Variants in RIMS1 observed in about 807,000 individuals in gnomAD.
RIMS1 encodes regulating synaptic membrane exocytosis 1, also known as regulating synaptic membrane exocytosis protein 1.
A neutral mutation model predicts 214.1 loss-of-function variants in RIMS1; 83 were observed. The ratio of observed to expected loss-of-function variants is 0.39; its 90% confidence interval spans 0.32 to 0.47. The LOEUF (loss-of-function observed/expected upper bound fraction) is 0.47, where lower values mean the gene tolerates loss of function less well. RIMS1 is among the 20% of genes least tolerant of loss of function. The pLI, the probability that RIMS1 is intolerant of heterozygous loss-of-function variation, is 0.99. For synonymous variants in RIMS1, 793 were observed against 786.8 expected (o/e 1.01, Z -0.13); for missense variants, 2,050 against 2,161.8 (o/e 0.95, Z 1.03).
intron 2 of RIMS1, among the ~76,000 whole-genome samples, chr6:71,980,711 A>G (rs1305957799): frequency 6.6e-6 from 1 of 152,140 alleles, no homozygotes; most frequent in Non-Finnish European, 1.5e-5. Flanking sequence ...GGGACCAATT[A>G]GTAGATGATT....
At chr6:71,906,669 A>C (rs141049947) in intron 1 of RIMS1, among the ~76,000 whole-genome samples, 1 of 152,224 alleles carries the variant, frequency 6.6e-6, no homozygotes, top group Non-Finnish European at 1.5e-5. Context: ...TGGATTTCTA[A>C]ATCAATGAGG....
intron 16 of RIMS1, among the ~76,000 whole-genome samples, chr6:72,254,142 G>A (rs1487080246): frequency 6.6e-6 from 1 of 152,112 alleles, no homozygotes; most frequent in Non-Finnish European, 1.5e-5. Flanking sequence ...GGGATTACAG[G>A]TGTGAGCCAC....
intron 2 of RIMS1, among the ~76,000 whole-genome samples, chr6:72,039,318 A>C (rs181319433): frequency 1.3e-3 from 196 of 152,302 alleles, no homozygotes; most frequent in Non-Finnish European, 9.7e-4. Context: ...AAAGCAAAAA[A>C]TATGAGGCAT....
At chr6:72,006,249 A>G (rs1224368536) in intron 2 of RIMS1, among the ~76,000 whole-genome samples, 1 of 152,154 alleles carries the variant, frequency 6.6e-6, no homozygotes, top group Non-Finnish European at 1.5e-5. Flanking sequence ...CAACATATGA[A>G]TGTTGCAGGG....
intron 6 of RIMS1, among the ~76,000 whole-genome samples, chr6:72,231,597 T>C (rs2061993992): frequency 6.6e-6 from 1 of 151,662 alleles, no homozygotes; most frequent in Admixed American, 6.6e-5. Flanking sequence ...ACTGGAATCA[T>C]CTGACAGACT....
intron 6 of RIMS1, among the ~76,000 whole-genome samples, chr6:72,214,130 T>G (rs560131150): frequency 2.0e-5 from 3 of 152,312 alleles, no homozygotes; most frequent in Non-Finnish European, 4.4e-5. Flanking sequence ...AGTAAGGATA[T>G]TTTAGAATAA....
At chr6:71,970,018 A>C (rs183550729) in intron 2 of RIMS1, among the ~76,000 whole-genome samples, 18 of 152,278 alleles carry the variant, frequency 1.2e-4, no homozygotes, top group Non-Finnish European at 1.0e-4. Context: ...TATTTTGTAT[A>C]TTACATACAG....
intron 1 of RIMS1, among the ~76,000 whole-genome samples, chr6:71,939,747 A>G (rs190674573): frequency 1.0e-3 from 152 of 152,300 alleles, no homozygotes; most frequent in Non-Finnish European, 1.6e-3. Context: ...TTCATGACCT[A>G]ATAACCGCTT....
Position 72,258,171 on chromosome 6 carries a change from T to C in RIMS1, c.2817T>C (p.Thr939=), listed in dbSNP as rs767575646. ...GAGAAAGTAAATCTACAACATTAAC[T>C]GTGCCAGAACAGCAAAGAACAACTC... ...SARESKSTTL[T]VPEQQRTTHH... Residue 939 remains threonine (T), a synonymous_variant, in exon 17 of 34, where the codon ACT becomes ACC. Transcript: ENST00000521978. 1.2e-6 allele frequency: 2 copies of C among 1,613,312 alleles called. No individual in the cohort carries two copies. The highest frequency in any genetic ancestry group is 1.7e-6 in the Non-Finnish European group (2 of 1,179,506).
intron 1 of RIMS1, among the ~76,000 whole-genome samples, chr6:71,931,060 C>A (rs1238816368): frequency 6.6e-6 from 1 of 151,960 alleles, no homozygotes; most frequent in Non-Finnish European, 1.5e-5. Context: ...TCATGTATTC[C>A]TGTATAACTG....
chr6:72,061,069 A>G (rs1048695373), intron 2 of RIMS1, among the ~76,000 whole-genome samples: 1 of 152,180 alleles, frequency 6.6e-6, no homozygotes, highest in African/African-American at 2.4e-5. Flanking sequence ...TTTGTGAGGT[A>G]TGTGATTATT....
At chr6:72,166,459 C>T (rs9442748) in intron 4 of RIMS1, among the ~76,000 whole-genome samples, 2,822 of 152,270 alleles carry the variant, frequency 0.019, 87 homozygotes, top group African/African-American at 0.065. Context: ...ATACTTTTCT[C>T]AGCAATATTT....
At chr6:72,228,362 A>G (rs1339674948) in intron 6 of RIMS1, among the ~76,000 whole-genome samples, 1 of 151,828 alleles carries the variant, frequency 6.6e-6, no homozygotes, top group Non-Finnish European at 1.5e-5. Flanking sequence ...GTTTCCATGA[A>G]TTTGACTATT....
At chr6:71,891,602 T>G (rs1247935962) in intron 1 of RIMS1, among the ~76,000 whole-genome samples, 1 of 152,196 alleles carries the variant, frequency 6.6e-6, no homozygotes, top group Non-Finnish European at 1.5e-5. Context: ...AAGGAAAATC[T>G]GGGGAACCTT....
chr6:72,105,666 G>A (rs570733589), intron 4 of RIMS1, among the ~76,000 whole-genome samples: 8 of 152,176 alleles, frequency 5.3e-5, no homozygotes, highest in African/African-American at 1.9e-4. Flanking sequence ...CTTAAAATGT[G>A]TATCTATATG....
intron 6 of RIMS1, among the ~76,000 whole-genome samples, chr6:72,211,490 C>G (rs1562588445): frequency 6.6e-6 from 1 of 152,088 alleles, no homozygotes; most frequent in Non-Finnish European, 1.5e-5. Flanking sequence ...AGTGAGTCAG[C>G]TGTAGATTAG....
At chr6:72,218,272 A>G (rs1002308391) in intron 6 of RIMS1, among the ~76,000 whole-genome samples, 3 of 152,150 alleles carry the variant, frequency 2.0e-5, no homozygotes, top group Admixed American at 6.5e-5. Flanking sequence ...GCAGAGAGGC[A>G]CTGGGGCTCT....
Position 72,259,042 on chromosome 6 carries a change from A to G in RIMS1, c.2984A>G (p.Asp995Gly). 3.1e-6 allele frequency: 5 copies of G among 1,612,332 alleles called. No individual in the cohort carries two copies. The highest frequency in any genetic ancestry group is 4.2e-6 in the Non-Finnish European group (5 of 1,178,568). Residue 995 changes from aspartate to glycine, a missense_variant, in exon 18 of 34, where the codon GAT becomes GGT. Physicochemically the swap from Asp to Gly is moderately conservative, Grantham distance 94 (BLOSUM62 -1). Transcript: ENST00000521978. The part of the protein sequence containing the change: ...RRSRSPTRHH[D>G]ASRSPVDHRT... ...TCACGTTCTCCAACCAGACACCATG[A>G]TGCCTCCCGAAGTCCAGTTGATCAT...
At chr6:71,950,918 G>A (rs914243578) in intron 1 of RIMS1, among the ~76,000 whole-genome samples, 2 of 152,080 alleles carry the variant, frequency 1.3e-5, no homozygotes, top group Admixed American at 6.5e-5. Context: ...TCTTATTTAC[G>A]TATTTTATTG....
Sources: allele counts gnomAD v4.1 joint callset (sites outside exome capture counted in the v4.1 genomes callset), GRCh38; gene constraint gnomAD v4.1.1; transcripts MANE v1.5; gene names NCBI Gene and HGNC (gene_info 2026-07-23, HGNC 2026-07-21).